SORCS2: variants seen among roughly 807,000 people sequenced by gnomAD.
SORCS2 encodes VPS10 domain-containing receptor SorCS2.
In SORCS2, 100 loss-of-function variants were observed where a neutral mutation model predicts 141.6. That is an observed-to-expected ratio of 0.71 (90% CI 0.60 to 0.83). SORCS2 has a LOEUF of 0.83. Among genes scored for constraint, SORCS2 ranks in the 40% least tolerant of loss-of-function variants. The probability of loss-of-function intolerance (pLI) is 0.00; values close to 1 mark genes in which losing one functional copy is unlikely to be tolerated. For synonymous variants in SORCS2, 789 were observed against 676.9 expected, an observed-to-expected ratio of 1.17 and a Z score of -2.57; for missense variants, 1,646 against 1,560.2, an observed-to-expected ratio of 1.05 and a Z score of -0.93.
chr4:7,438,778 G>T (rs546955681), intron 2 of SORCS2, among the ~76,000 whole-genome samples: 1 of 151,490 alleles, frequency 6.6e-6, no homozygotes, highest in Non-Finnish European at 1.5e-5. Flanking sequence ...CACTTGCTTC[G>T]AGGTTCTCAC....
chr4:7,725,092 C>T, intron 19 of SORCS2, 62 bp from the exon 20 acceptor site: 1 of 1,550,776 alleles, frequency 6.4e-7, no homozygotes, highest in African/African-American at 1.4e-5. Context: ...GATCACTAAG[C>T]AGCCTCTGAA....
intron 9 of SORCS2, among the ~76,000 whole-genome samples, chr4:7,678,493 G>T (rs1168862341): frequency 6.9e-6 from 1 of 145,050 alleles, no homozygotes; most frequent in Non-Finnish European, 1.5e-5. Context: ...TGTGGCCATA[G>T]GTGGGTTTCT....
chr4:7,355,630 G>A (rs1721202876), intron 1 of SORCS2, among the ~76,000 whole-genome samples: 1 of 152,140 alleles, frequency 6.6e-6, no homozygotes, highest in South Asian at 2.1e-4. Flanking sequence ...GAGGAGGTTT[G>A]CAACAAGGAA....
At chr4:7,381,928 C>T in intron 1 of SORCS2, 4 of 986,592 alleles carry the variant, frequency 4.1e-6, no homozygotes, top group Non-Finnish European at 4.8e-6. Flanking sequence ...TGACCAGGCA[C>T]CAAGCTCTCC....
intron 2 of SORCS2, among the ~76,000 whole-genome samples, chr4:7,484,984 C>T (rs1730884465): frequency 8.2e-6 from 1 of 121,372 alleles, no homozygotes; most frequent in Non-Finnish European, 1.8e-5. Flanking sequence ...CGGCCCTCCC[C>T]AACATGTCAG....
At chr4:7,367,503 C>T (rs36022449) in intron 1 of SORCS2, among the ~76,000 whole-genome samples, 1 of 152,044 alleles carries the variant, frequency 6.6e-6, no homozygotes, top group Non-Finnish European at 1.5e-5. Context: ...AAACAGATGA[C>T]CTCAGTCAAG....
intron 1 of SORCS2, among the ~76,000 whole-genome samples, chr4:7,284,296 G>A (rs1316840768): frequency 1.3e-5 from 2 of 151,664 alleles, no homozygotes; most frequent in Admixed American, 6.6e-5. Flanking sequence ...GCCGAGGCTG[G>A]GGTCAGACGG....
chr4:7,427,021 G>A (rs1270586097), intron 2 of SORCS2, among the ~76,000 whole-genome samples: 2 of 152,194 alleles, frequency 1.3e-5, no homozygotes, highest in African/African-American at 2.4e-5. Context: ...TTAGTGGTGG[G>A]GGGCACAGGG....
At chr4:7,396,171 C>G in intron 1 of SORCS2, 117 bp from the exon 2 acceptor site, 1 of 868,106 alleles carries the variant, frequency 1.2e-6, no homozygotes, top group Non-Finnish European at 1.8e-6. Flanking sequence ...AGAGAGGCCC[C>G]TGGGCGGCTG....
intron 2 of SORCS2, among the ~76,000 whole-genome samples, chr4:7,437,235 G>A (rs960021608): frequency 3.3e-5 from 5 of 152,112 alleles, no homozygotes; most frequent in African/African-American, 7.2e-5. Flanking sequence ...CCCCCTCCTC[G>A]GGTTTGATAA....
chr4:7,425,249 C>T (rs138240369), intron 2 of SORCS2, among the ~76,000 whole-genome samples: 205 of 152,346 alleles, frequency 1.3e-3, no homozygotes, highest in African/African-American at 4.5e-3. Flanking sequence ...GGGTGACCTT[C>T]GGCTCCAGAG....
At chr4:7,720,741 A>G (rs1726531166) in intron 18 of SORCS2, among the ~76,000 whole-genome samples, 1 of 152,222 alleles carries the variant, frequency 6.6e-6, no homozygotes, top group South Asian at 2.1e-4. Context: ...GCACACGAAA[A>G]GATGACAAAC....
chr4:7,683,455 G>A (rs1723688294), intron 10 of SORCS2, among the ~76,000 whole-genome samples: 1 of 152,058 alleles, frequency 6.6e-6, no homozygotes, highest in African/African-American at 2.4e-5. Flanking sequence ...GTCAGGGAAT[G>A]GACTGATTTA....
intron 2 of SORCS2, among the ~76,000 whole-genome samples, chr4:7,441,213 C>T (rs1452593482): frequency 2.0e-5 from 3 of 152,162 alleles, no homozygotes; most frequent in African/African-American, 7.2e-5. Context: ...GAGTTGTTGG[C>T]TGCTTCTGGG....
intron 1 of SORCS2, among the ~76,000 whole-genome samples, chr4:7,380,113 C>A (rs1229843369): frequency 6.6e-6 from 1 of 151,958 alleles, no homozygotes; most frequent in African/African-American, 2.4e-5. Flanking sequence ...CCTCAGAAAG[C>A]CCGGAGATGG....
rs1360337352 is a variant in SORCS2 at position 7,648,548 on chromosome 4, AC to A, written c.814-5582del. 1.3e-5 allele frequency among the ~76,000 whole-genome samples: 2 copies of A among 150,910 alleles called. No homozygotes were observed. The highest frequency in any genetic ancestry group is 3.0e-5 in the Non-Finnish European group (2 of 67,774). On this transcript the variant is annotated intron_variant, in intron 4 of 26. Coordinates refer to ENST00000507866, the MANE Select transcript of SORCS2 (RefSeq NM_020777.3). This position sits in a 1 kb window ranked among gnomAD's most constrained non-coding sequence, Gnocchi z 4.2. ...CAACTGCTGGGAACAAAACAGACCA[AC>A]CCCTGCCCTCGTGGGGCCTCCTTTC...
chr4:7,387,795 T>C (rs1406197556), intron 1 of SORCS2, among the ~76,000 whole-genome samples: 1 of 50,348 alleles, frequency 2.0e-5, no homozygotes, highest in Admixed American at 1.8e-4. Flanking sequence ...GGTACATGCA[T>C]GCTCACATGC....
At chr4:7,266,541 C>T (rs1399157308) in intron 1 of SORCS2, among the ~76,000 whole-genome samples, 1 of 152,186 alleles carries the variant, frequency 6.6e-6, no homozygotes, top group Non-Finnish European at 1.5e-5. Flanking sequence ...TAGTTCCTAC[C>T]CAAAGCATCT....
chr4:7,485,967 C>A (rs914200502), intron 2 of SORCS2, among the ~76,000 whole-genome samples: 1 of 152,148 alleles, frequency 6.6e-6, no homozygotes, highest in Non-Finnish European at 1.5e-5. Context: ...CTGGGGGCAC[C>A]CCATGCCTGC....
Sources: gnomAD v4.1 joint callset for allele counts (sites outside exome capture counted in the v4.1 genomes callset) on GRCh38, gnomAD v4.1.1 for gene constraint, Gnocchi (gnomAD v3.1) non-coding constraint, MANE v1.5 for transcripts, NCBI Gene and HGNC (gene_info 2026-07-23, HGNC 2026-07-21) for gene names.